NEDD4L: variants seen among roughly 807,000 people sequenced by gnomAD.
The protein encoded by NEDD4L is NEDD4 like E3 ubiquitin protein ligase, also known as E3 ubiquitin-protein ligase NEDD4-like.
Under a neutral mutation model 148.9 loss-of-function variants are expected in NEDD4L, and 54 were observed. The ratio of observed to expected loss-of-function variants is 0.36; its 90% CI spans 0.29 to 0.45. The LOEUF is 0.45. Among genes scored for constraint, NEDD4L ranks in the 20% least tolerant of loss-of-function variants. NEDD4L has a pLI of 1.00. For synonymous variants in NEDD4L, 433 were observed against 440.7 expected, an observed-to-expected ratio of 0.98 and a Z score of 0.22; for missense variants, 856 against 1,233.8, an observed-to-expected ratio of 0.69 and a Z score of 4.59.
chr18:58,107,521 C>T (rs1182998134), intron 1 of NEDD4L, among the ~76,000 whole-genome samples: 1 of 152,086 alleles, frequency 6.6e-6, no homozygotes, highest in Non-Finnish European at 1.5e-5. Context: ...AGTTTGAGAC[C>T]AGTCTGGGTA....
At chr18:58,137,088 G>A (rs2032934594) in intron 1 of NEDD4L, among the ~76,000 whole-genome samples, 1 of 152,202 alleles carries the variant, frequency 6.6e-6, no homozygotes, top group Non-Finnish European at 1.5e-5. Flanking sequence ...AAATGATTGA[G>A]CAATATTTAG....
At chr18:58,343,628 T>C (rs183795766) in intron 16 of NEDD4L, among the ~76,000 whole-genome samples, 3 of 152,334 alleles carry the variant, frequency 2.0e-5, no homozygotes, top group Admixed American at 6.5e-5. Context: ...ACTTTGGTTG[T>C]AGATCTGATA....
intron 1 of NEDD4L, among the ~76,000 whole-genome samples, chr18:58,069,853 C>T (rs1278956458): frequency 6.6e-6 from 1 of 152,212 alleles, no homozygotes; most frequent in East Asian, 1.9e-4. Flanking sequence ...ACACTGGGAT[C>T]TCAGTAGGAA....
intron 1 of NEDD4L, among the ~76,000 whole-genome samples, chr18:58,053,060 G>A (rs1473732191): frequency 6.6e-6 from 1 of 152,194 alleles, no homozygotes; most frequent in Non-Finnish European, 1.5e-5. Context: ...AACAAACCAA[G>A]GGAACTGTCC....
intron 1 of NEDD4L, among the ~76,000 whole-genome samples, chr18:58,062,058 T>C (rs1051247417): frequency 4.6e-5 from 7 of 152,236 alleles, no homozygotes; most frequent in African/African-American, 1.7e-4. Context: ...TATCTCATTA[T>C]TGGTATTTTC....
intron 19 of NEDD4L, among the ~76,000 whole-genome samples, chr18:58,362,264 T>G (rs2045589215): frequency 6.6e-6 from 1 of 152,216 alleles, no homozygotes. Context: ...GATGACTGTT[T>G]AAGCTTTTTT....
intron 1 of NEDD4L, among the ~76,000 whole-genome samples, chr18:58,056,441 G>A (rs889008949): frequency 6.6e-6 from 1 of 152,194 alleles, no homozygotes; most frequent in African/African-American, 2.4e-5. Context: ...TGTTCACCTA[G>A]ACAGTAGGGA....
In NEDD4L at chr18:58,398,879, C is replaced by G. The variant is rs992299176; in HGVS notation, c.*2610C>G. On this transcript the variant is annotated 3_prime_UTR_variant, in exon 31 of 31. Coordinates refer to ENST00000400345, the MANE Select transcript of NEDD4L (RefSeq NM_001144967.3). ...GGTCATTCCTTGGGCCCCGACCTGC[C>G]CGGGGAGTAGCCCTGGGGGAGAGAG... 1.3e-5 allele frequency: 2 copies of G among 152,218 alleles called. No individual in the cohort carries two copies. The highest frequency in any genetic ancestry group is 2.9e-5 in the Non-Finnish European group (2 of 68,072). The allele number at this position is 152,218 out of a possible 1,614,324, so 9.4% of individuals were successfully genotyped here.
At chr18:58,115,392 T>G (rs1260033596) in intron 1 of NEDD4L, among the ~76,000 whole-genome samples, 3 of 152,136 alleles carry the variant, frequency 2.0e-5, no homozygotes, top group East Asian at 3.9e-4. Context: ...TACATTCAAG[T>G]TTTTCGGGAA....
At chr18:58,199,203 C>T (rs1196013844) in intron 2 of NEDD4L, among the ~76,000 whole-genome samples, 4 of 152,330 alleles carry the variant, frequency 2.6e-5, no homozygotes, top group African/African-American at 7.2e-5. Flanking sequence ...GTTTAATCCA[C>T]GTTGACATCT....
chr18:58,333,016 C>T (rs1007449201), intron 11 of NEDD4L, among the ~76,000 whole-genome samples: 1 of 152,200 alleles, frequency 6.6e-6, no homozygotes, highest in East Asian at 1.9e-4. Context: ...GAGGCTCACA[C>T]CTGTAATCCC....
chr18:58,253,138 A>G (rs1420688639), intron 5 of NEDD4L, among the ~76,000 whole-genome samples: 1 of 152,156 alleles, frequency 6.6e-6, no homozygotes, highest in African/African-American at 2.4e-5. Context: ...GAAACTCCAG[A>G]TTTTTAATAG....
chr18:58,070,054 C>T (rs1249774709), intron 1 of NEDD4L, among the ~76,000 whole-genome samples: 1 of 152,122 alleles, frequency 6.6e-6, no homozygotes, highest in East Asian at 1.9e-4. Flanking sequence ...CACAATTCGA[C>T]CATTTGGCAG....
At chr18:58,357,446 G>A (rs753307569) in intron 19 of NEDD4L, 194 bp downstream of exon 19, 8 of 704,672 alleles carry the variant, frequency 1.1e-5, no homozygotes, top group South Asian at 3.0e-5. Flanking sequence ...TTTTCAGATG[G>A]ATTTCATTAT....
chr18:58,164,295 A>G (rs1170976904), intron 1 of NEDD4L, among the ~76,000 whole-genome samples: 1 of 152,096 alleles, frequency 6.6e-6, no homozygotes, highest in African/African-American at 2.4e-5. Context: ...CCTGTGATTG[A>G]TCATGCATGA....
At chr18:58,298,919 A>G (rs1025755835) in intron 5 of NEDD4L, among the ~76,000 whole-genome samples, 4 of 152,252 alleles carry the variant, frequency 2.6e-5, no homozygotes, top group African/African-American at 4.8e-5. Context: ...GATTCATGAC[A>G]TGACTGAGGA....
chr18:58,203,445 T>G (rs1266355732), intron 2 of NEDD4L, among the ~76,000 whole-genome samples: 3 of 152,188 alleles, frequency 2.0e-5, no homozygotes, highest in African/African-American at 7.2e-5. Flanking sequence ...CATTTCAGTT[T>G]TGGAAGGTAA....
intron 2 of NEDD4L, 77 bp from the exon 3 acceptor site, chr18:58,245,350 A>G: frequency 2.8e-6 from 2 of 710,568 alleles, no homozygotes; most frequent in Non-Finnish European, 4.8e-6. Context: ...TGATATTTGT[A>G]TTTTCATTTA....
At chr18:58,313,629 A>G (rs982209530) in intron 5 of NEDD4L, among the ~76,000 whole-genome samples, 24 of 152,268 alleles carry the variant, frequency 1.6e-4, no homozygotes, top group African/African-American at 5.8e-4. Context: ...CTGGCTTCCT[A>G]TCTGTAAAAT....
Sources: allele counts gnomAD v4.1 joint callset (sites outside exome capture counted in the v4.1 genomes callset), GRCh38; gene constraint gnomAD v4.1.1; transcripts MANE v1.5; gene names NCBI Gene and HGNC (gene_info 2026-07-23, HGNC 2026-07-21).